PCCA: variants seen among roughly 807,000 people sequenced by gnomAD.
PCCA encodes the protein propionyl-CoA carboxylase alpha chain, mitochondrial.
In PCCA, 74 loss-of-function variants were observed where a neutral mutation model predicts 101.3. The observed-to-expected ratio is 0.73, with a 90% CI of 0.61 to 0.89. PCCA has a LOEUF of 0.89. Ranked by LOEUF, PCCA falls within the 40% of genes least tolerant of loss-of-function variation. The pLI is 0.00. For synonymous variants in PCCA, 294 were observed against 313.6 expected (o/e 0.94, Z 0.66); for missense variants, 891 against 907.0 (o/e 0.98, Z 0.23).
At chr13:100,329,528 A>G (rs2152731879) in intron 16 of PCCA, among the ~76,000 whole-genome samples, 1 of 152,332 alleles carries the variant, frequency 6.6e-6, no homozygotes, top group South Asian at 2.1e-4. Flanking sequence ...AGCGTCAACC[A>G]TTCTACAGTC....
chr13:100,321,559 T>C (rs2068032367), intron 16 of PCCA, among the ~76,000 whole-genome samples: 1 of 148,662 alleles, frequency 6.7e-6, no homozygotes, highest in Admixed American at 6.8e-5. Flanking sequence ...GAAATAGCTG[T>C]GTAGATCTCA....
chr13:100,189,191 T>C (rs1394783199), intron 6 of PCCA, among the ~76,000 whole-genome samples: 1 of 152,206 alleles, frequency 6.6e-6, no homozygotes, highest in Non-Finnish European at 1.5e-5. Context: ...TCCAGCTTCA[T>C]CCATGTCCCT....
chr13:100,520,624 G>A (rs1293423998), intron 22 of PCCA, among the ~76,000 whole-genome samples: 1 of 105,322 alleles, frequency 9.5e-6, no homozygotes, highest in African/African-American at 3.9e-5. Context: ...GACAGAGCGA[G>A]ACTCCGTCTC....
At chr13:100,409,813 G>A (rs969764739) in intron 19 of PCCA, among the ~76,000 whole-genome samples, 5 of 152,140 alleles carry the variant, frequency 3.3e-5, no homozygotes, top group African/African-American at 1.2e-4. Context: ...TGTCGCCCAG[G>A]ATGGAGTGCA....
At chr13:100,176,954 A>AT (rs2056298431) in intron 6 of PCCA, among the ~76,000 whole-genome samples, 1 of 152,228 alleles carries the variant, frequency 6.6e-6, no homozygotes. Context: ...TGCTTGCCAG[A>AT]TAAAAGCCCT....
intron 12 of PCCA, among the ~76,000 whole-genome samples, chr13:100,291,515 C>G (rs1041796880): frequency 2.6e-5 from 4 of 152,138 alleles, no homozygotes; most frequent in Non-Finnish European, 5.9e-5. Context: ...GTATTTTTCT[C>G]CTGTCCTTCA....
intron 9 of PCCA, among the ~76,000 whole-genome samples, chr13:100,258,482 C>A (rs1199257015): frequency 6.6e-6 from 1 of 152,170 alleles, no homozygotes; most frequent in Non-Finnish European, 1.5e-5. Flanking sequence ...ATTTTGTGGA[C>A]TTCAATTTTT....
intron 4 of PCCA, among the ~76,000 whole-genome samples, chr13:100,145,582 G>A (rs551504779): frequency 3.9e-5 from 6 of 152,228 alleles, no homozygotes; most frequent in South Asian, 4.2e-4. Flanking sequence ...TAGGTATAAC[G>A]GTAGGGCGCA....
chr13:100,111,490 T>C (rs2048318893), intron 2 of PCCA, among the ~76,000 whole-genome samples: 1 of 152,138 alleles, frequency 6.6e-6, no homozygotes, highest in African/African-American at 2.4e-5. Flanking sequence ...GTCTGAAATA[T>C]CATTTGAAGA....
At chr13:100,259,281 T>C (rs2062288383) in intron 9 of PCCA, among the ~76,000 whole-genome samples, 1 of 151,796 alleles carries the variant, frequency 6.6e-6, no homozygotes, top group East Asian at 1.9e-4. Context: ...CTATGACTTG[T>C]CTTGGAATCT....
At chr13:100,284,943 A>G (rs1416379547) in intron 12 of PCCA, among the ~76,000 whole-genome samples, 1 of 152,194 alleles carries the variant, frequency 6.6e-6, no homozygotes. Flanking sequence ...TTTGGCTACC[A>G]GTTCAGAAGC....
chr13:100,384,306 G>A lies in PCCA; in HGVS notation c.1746+15732G>A, dbSNP rs145296076. On this transcript the variant is annotated intron_variant, in intron 19 of 23. Transcript: ENST00000376285. Reference sequence around the variant, plus strand: ...CTCCCAAAGTTTTGGGATTACAGGCGTGAACCACTGTGCCTGGCCAAAAAT... The same window carrying A: ...CTCCCAAAGTTTTGGGATTACAGGCATGAACCACTGTGCCTGGCCAAAAAT... 3.0e-3 allele frequency among the ~76,000 whole-genome samples: 456 copies of A among 152,300 alleles called. 3 individuals carry two copies. The highest frequency in any genetic ancestry group is 0.011 in the African/African-American group (441 of 41,574).
intron 6 of PCCA, among the ~76,000 whole-genome samples, chr13:100,158,233 A>G (rs770653767): frequency 6.6e-6 from 1 of 152,250 alleles, no homozygotes; most frequent in Non-Finnish European, 1.5e-5. Context: ...AAAATACAGT[A>G]TTAGAATCTA....
At chr13:100,359,096 CAAAAA>C (rs35233154) in intron 18 of PCCA, among the ~76,000 whole-genome samples, 19 of 103,766 alleles carry the variant, frequency 1.8e-4, no homozygotes, top group Admixed American at 1.2e-4. Context: ...CAAGACTCCT[CAAAAA>C]AAAAAAAAAA....
chr13:100,237,991 T>G (rs1411924242), intron 8 of PCCA, among the ~76,000 whole-genome samples: 1 of 149,692 alleles, frequency 6.7e-6, no homozygotes, highest in African/African-American at 2.5e-5. Context: ...CAGGTTGGAG[T>G]GCAGTGGTGC....
At position 100,487,367 on chromosome 13, in the gene PCCA, A is replaced by G. The variant is rs552174158; in HGVS notation, c.1900-28060A>G. Among the ~76,000 whole-genome samples the G allele has an allele frequency of 3.3e-5, 5 of 152,334 alleles. 1 individual carries two copies. Among genetic ancestry groups the G allele is most frequent in the African/African-American group, 1.2e-4 (5 of 41,564 alleles). On this transcript the variant is annotated intron_variant, in intron 21 of 23. Transcript: ENST00000376285. The stretch of plus-strand genomic sequence containing the variant: ...TTTTTTTTAACCCAGAAAAACTGGG[A>G]AAAACTTCAAATCACTGAATGACGT...
chr13:100,203,677 T>TA (rs1478444423), intron 6 of PCCA, among the ~76,000 whole-genome samples: 3 of 152,174 alleles, frequency 2.0e-5, no homozygotes, highest in African/African-American at 7.2e-5. Context: ...TGAGACTTCG[T>TA]ATCAAGACAA....
At chr13:100,348,181 A>G (rs1420327194) in intron 18 of PCCA, among the ~76,000 whole-genome samples, 1 of 152,196 alleles carries the variant, frequency 6.6e-6, no homozygotes, top group Non-Finnish European at 1.5e-5. Context: ...CTTCCAAACC[A>G]GTAGCCCACA....
intron 2 of PCCA, among the ~76,000 whole-genome samples, chr13:100,107,977 A>T (rs2047966982): frequency 6.6e-6 from 1 of 152,174 alleles, no homozygotes; most frequent in African/African-American, 2.4e-5. Context: ...GAGCTGGTGG[A>T]CTTACCCATT....
Sources: gnomAD v4.1 joint callset for allele counts (sites outside exome capture counted in the v4.1 genomes callset) on GRCh38, gnomAD v4.1.1 for gene constraint, MANE v1.5 for transcripts, NCBI Gene and HGNC (gene_info 2026-07-23, HGNC 2026-07-21) for gene names.